Variants in ANO4 observed in about 807,000 individuals in gnomAD.
The protein encoded by ANO4 is anoctamin 4, also known as anoctamin-4.
Under a neutral mutation model 141.9 loss-of-function variants are expected in ANO4, and 69 were observed. That is an observed-to-expected ratio of 0.49 (90% CI 0.40 to 0.59). The LOEUF (loss-of-function observed/expected upper bound fraction) is 0.59, where lower values mean the gene tolerates loss of function less well. Ranked by LOEUF, ANO4 falls within the 20% of genes least tolerant of loss-of-function variation. The pLI, the probability that ANO4 is intolerant of heterozygous loss-of-function variation, is 0.00. For synonymous variants in ANO4, 350 were observed against 394.3 expected (o/e 0.89, Z 1.33); for missense variants, 894 against 1,162.2 (o/e 0.77, Z 3.36).
intron 4 of ANO4, among the ~76,000 whole-genome samples, chr12:100,939,780 C>G (rs1331241920): frequency 2.6e-5 from 4 of 152,130 alleles, no homozygotes; most frequent in Non-Finnish European, 5.9e-5. Flanking sequence ...TATAGATCCC[C>G]CAGTGGGTAG....
intron 3 of ANO4, among the ~76,000 whole-genome samples, chr12:100,789,744 TCCTGGAAAA>T (rs767992001): frequency 6.6e-6 from 1 of 152,194 alleles, no homozygotes; most frequent in Non-Finnish European, 1.5e-5. Context: ...AGGCATGAAT[TCCTGGAAAA>T]CAAGTTTGTC....
At chr12:100,898,346 C>T (rs2040438985) in intron 1 of ANO4, among the ~76,000 whole-genome samples, 1 of 152,154 alleles carries the variant, frequency 6.6e-6, no homozygotes, top group African/African-American at 2.4e-5. Flanking sequence ...TGCATACTAG[C>T]TATTTATTTA....
In ANO4 at chr12:100,788,628, T is replaced by C. The variant is rs374677698; in HGVS notation, c.358+48523T>C. 8.3e-4 allele frequency among the ~76,000 whole-genome samples: 126 copies of C among 152,272 alleles called. 2 individuals carry two copies. In the South Asian group the frequency reaches 0.023, roughly 27 times the overall value. ...AGAGATAGCTGGAATTTTGTACAGA[T>C]GTAGAGAACATGGGAACAGTTGCAT... On this transcript the variant is annotated intron_variant, in intron 3 of 29. Transcript: ENST00000644049.
At chr12:100,743,806 A>G (rs4764990) in intron 3 of ANO4, among the ~76,000 whole-genome samples, 29,995 of 152,122 alleles carry the variant, frequency 0.2, 3,332 homozygotes, top group Admixed American at 0.31. Context: ...AAATTATTTA[A>G]TCACCCAGGT....
intron 24 of ANO4, among the ~76,000 whole-genome samples, chr12:101,112,781 T>C (rs79324736): frequency 0.014 from 2,107 of 152,340 alleles, 52 homozygotes; most frequent in African/African-American, 0.048. Flanking sequence ...AGGAATGTCA[T>C]AAAGCTCACA....
At chr12:100,890,967 C>T (rs958365467) in intron 1 of ANO4, among the ~76,000 whole-genome samples, 14 of 152,158 alleles carry the variant, frequency 9.2e-5, no homozygotes, top group Non-Finnish European at 1.8e-4. Flanking sequence ...CTTCTTTCCT[C>T]GTGGCAACCA....
intron 14 of ANO4, among the ~76,000 whole-genome samples, chr12:101,066,503 T>C (rs111529655): frequency 0.025 from 3,737 of 152,232 alleles, 85 homozygotes; most frequent in Non-Finnish European, 0.042. Context: ...AGTAATCCCA[T>C]TTACAATAGC....
intron 26 of ANO4, 62 bp downstream of exon 26, chr12:101,120,687 A>G: frequency 7.5e-7 from 1 of 1,330,140 alleles, no homozygotes; most frequent in Non-Finnish European, 1.1e-6. Flanking sequence ...AGGAGTAATG[A>G]ATAAAAATAA....
chr12:100,950,159 A>G (rs1420296507), intron 5 of ANO4, among the ~76,000 whole-genome samples: 2 of 152,190 alleles, frequency 1.3e-5, no homozygotes, highest in Non-Finnish European at 2.9e-5. Flanking sequence ...TGAGTGTCTC[A>G]AATAAATGAG....
intron 23 of ANO4, among the ~76,000 whole-genome samples, chr12:101,111,122 G>C (rs535628066): frequency 9.8e-5 from 15 of 152,334 alleles, no homozygotes; most frequent in Non-Finnish European, 1.8e-4. Flanking sequence ...GGATGTTATT[G>C]TTAATGACGT....
chr12:100,980,379 C>T (rs143281979), intron 7 of ANO4, among the ~76,000 whole-genome samples: 3 of 152,286 alleles, frequency 2.0e-5, no homozygotes, highest in Non-Finnish European at 4.4e-5. Flanking sequence ...CATTTCACAT[C>T]AGAACAGACT....
chr12:100,877,969 T>TA (rs1460499013), intron 1 of ANO4, among the ~76,000 whole-genome samples: 5 of 151,880 alleles, frequency 3.3e-5, no homozygotes, highest in African/African-American at 1.2e-4. Flanking sequence ...TGCAAACTTC[T>TA]ATCCCTTCCC....
At chr12:101,109,103 T>C (rs1407105956) in intron 22 of ANO4, among the ~76,000 whole-genome samples, 1 of 152,204 alleles carries the variant, frequency 6.6e-6, no homozygotes, top group African/African-American at 2.4e-5. Flanking sequence ...GAAAAGCTCC[T>C]TCAATTCAGG....
At chr12:100,805,862 A>G (rs958360303) in intron 1 of ANO4, among the ~76,000 whole-genome samples, 12 of 152,156 alleles carry the variant, frequency 7.9e-5, no homozygotes, top group Non-Finnish European at 7.4e-5. Context: ...CATAGAACCT[A>G]AACAGTGGAA....
intron 1 of ANO4, among the ~76,000 whole-genome samples, chr12:100,803,661 C>G (rs2034826784): frequency 6.6e-6 from 1 of 152,146 alleles, no homozygotes; most frequent in African/African-American, 2.4e-5. Context: ...TGTACCCATC[C>G]TTACTCTGCC....
chr12:100,779,424 G>C (rs1178222583), intron 3 of ANO4, among the ~76,000 whole-genome samples: 2 of 152,222 alleles, frequency 1.3e-5, no homozygotes, highest in Non-Finnish European at 2.9e-5. Flanking sequence ...TGTAGGTGGA[G>C]ACAACCTCAG....
chr12:100,784,813 A>G (rs2033814636), intron 3 of ANO4, among the ~76,000 whole-genome samples: 2 of 152,158 alleles, frequency 1.3e-5, no homozygotes, highest in South Asian at 4.1e-4. Flanking sequence ...CCTAACATTC[A>G]TGTTTGGATT....
chr12:100,895,582 C>T (rs1430867912), intron 1 of ANO4, among the ~76,000 whole-genome samples: 1 of 128,688 alleles, frequency 7.8e-6, no homozygotes, highest in Non-Finnish European at 1.5e-5. Flanking sequence ...TTTTTTGAGA[C>T]AGAGTTTTGC....
chr12:100,927,229 TG>T (rs770803490), intron 3 of ANO4, among the ~76,000 whole-genome samples: 4 of 152,028 alleles, frequency 2.6e-5, no homozygotes, highest in Non-Finnish European at 5.9e-5. Context: ...GGCAGGAAAG[TG>T]GGAGTGTCAG....
Sources: gnomAD v4.1 joint callset for allele counts (sites outside exome capture counted in the v4.1 genomes callset) on GRCh38, gnomAD v4.1.1 for gene constraint, MANE v1.5 for transcripts, NCBI Gene and HGNC (gene_info 2026-07-23, HGNC 2026-07-21) for gene names.